Variants in NEU3 observed in about 807,000 individuals in gnomAD.
NEU3 encodes sialidase-3.
In NEU3, 10 loss-of-function variants were observed where a neutral mutation model predicts 11.4. The observed-to-expected ratio is 0.88, with a 90% CI of 0.54 to 1.49. NEU3 has a LOEUF of 1.49. Among genes scored for constraint, NEU3 ranks in the 40% most tolerant of loss-of-function variants. NEU3 has a pLI of 0.00. For synonymous variants in NEU3, 212 were observed against 228.2 expected, an observed-to-expected ratio of 0.93 and a Z score of 0.64; for missense variants, 529 against 581.8, an observed-to-expected ratio of 0.91 and a Z score of 0.93.
intron 2 of NEU3, among the ~76,000 whole-genome samples, chr11:74,999,055 T>C (rs1948818802): frequency 6.6e-6 from 1 of 152,176 alleles, no homozygotes; most frequent in South Asian, 2.1e-4. Flanking sequence ...CTCAAGCAAT[T>C]TTCCTATCTC....
At position 75,006,696 on chromosome 11, in the gene NEU3, T is replaced by G; in HGVS notation, c.*204T>G. Reference sequence around the variant, plus strand: ...TGAACTAGGAGTTGGAAGACAAGGATGTGGTCCTGGCTCTGCCACTGGCTT... The same window carrying G: ...TGAACTAGGAGTTGGAAGACAAGGAGGTGGTCCTGGCTCTGCCACTGGCTT... On this transcript the variant is annotated 3_prime_UTR_variant, in exon 3 of 3. Transcript: ENST00000294064. 1.7e-6 allele frequency: 1 copy of G among 587,052 alleles called. No homozygotes were observed. Among genetic ancestry groups the G allele is most frequent in the South Asian group, 2.3e-5 (1 of 43,996 alleles). The allele number at this position is 587,052 out of a possible 1,614,324, so 36.4% of individuals were successfully genotyped here. A position where few individuals can be genotyped will look rare whatever the true frequency, so the allele number is the denominator to read the frequency against.
intron 2 of NEU3, among the ~76,000 whole-genome samples, chr11:74,996,635 G>A (rs1235277501): frequency 1.3e-5 from 2 of 152,184 alleles, no homozygotes; most frequent in Non-Finnish European, 2.9e-5. Context: ...AATCATGAAT[G>A]TTCTGAATGG....
At chr11:75,002,713 T>A (rs1182105416) in intron 2 of NEU3, among the ~76,000 whole-genome samples, 1 of 152,222 alleles carries the variant, frequency 6.6e-6, no homozygotes, top group Non-Finnish European at 1.5e-5. Context: ...AGAAATAGAA[T>A]GTCGTCAGCA....
chr11:74,999,171 C>T (rs1565495329), intron 2 of NEU3, among the ~76,000 whole-genome samples: 2 of 152,074 alleles, frequency 1.3e-5, no homozygotes, highest in Non-Finnish European at 1.5e-5. Context: ...GCCCTCTCTG[C>T]ATTGCCCAGG....
downstream of NEU3, among the ~76,000 whole-genome samples, chr11:75,019,643 A>G (rs995674287): frequency 7.2e-5 from 11 of 152,244 alleles, no homozygotes; most frequent in African/African-American, 2.7e-4. Flanking sequence ...TGAGCCTCCC[A>G]GTGCACAGAA....
At position 75,004,169 on chromosome 11, in the gene NEU3, G is replaced by A. The variant is rs553328530; in HGVS notation, c.307-1244G>A. ...GTCCTACATACAGGTTGAACCATTT[G>A]CACTTCAATCCATATATGAAAGTCC... is the stretch of plus-strand genomic sequence containing the variant. On this transcript the variant is annotated intron_variant, in intron 2 of 2. Coordinates refer to ENST00000294064, the MANE Select transcript of NEU3 (RefSeq NM_006656.6). 844 of 498,836 alleles carry A rather than the reference G, an allele frequency of 1.7e-3. 13 individuals are homozygous for A. The South Asian group carries it at 0.019, about 11-fold the overall frequency. The allele number at this position is 498,836 out of a possible 1,614,324, so 30.9% of individuals were successfully genotyped here.
At chr11:74,992,687 C>T (rs1412713252) in intron 1 of NEU3, among the ~76,000 whole-genome samples, 1 of 152,112 alleles carries the variant, frequency 6.6e-6, no homozygotes, top group East Asian at 1.9e-4. Context: ...CGGCCGGGCA[C>T]GGTGGCTCAT....
At chr11:74,988,732 C>T (rs1948694104), upstream of NEU3, 2 of 387,774 alleles carry the variant, frequency 5.2e-6, no homozygotes, top group Non-Finnish European at 9.4e-6. Context: ...TGAGGTGGGC[C>T]CAGGGCTTGA....
chr11:74,989,346 C>T (rs539205105), intron 1 of NEU3, among the ~76,000 whole-genome samples, 192 bp downstream of exon 1: 103 of 152,342 alleles, frequency 6.8e-4, no homozygotes, highest in Non-Finnish European at 1.0e-3. Flanking sequence ...AGAAGCCGAA[C>T]TTAAACCTCA....
chr11:74,994,440 G>A, intron 1 of NEU3, 69 bp from the exon 2 acceptor site: 1 of 1,282,938 alleles, frequency 7.8e-7, no homozygotes, highest in Non-Finnish European at 1.1e-6. Flanking sequence ...GTGAAATGAT[G>A]AAGCAGAATT....
chr11:75,007,439 G>A lies in NEU3; in HGVS notation c.*947G>A, dbSNP rs553419057. Reference sequence around the variant, plus strand: ...TTGTAGATGTTGGGCTATATGTTGGGGTGATGGTAGCTCCTGATGTAATTT... The same window carrying A: ...TTGTAGATGTTGGGCTATATGTTGGAGTGATGGTAGCTCCTGATGTAATTT... On this transcript the variant is annotated 3_prime_UTR_variant, in exon 3 of 3. Coordinates refer to ENST00000294064, the MANE Select transcript of NEU3 (RefSeq NM_006656.6). 6.6e-6 allele frequency: 1 copy of A among 152,328 alleles called. No individual in the cohort carries two copies. The highest frequency in any genetic ancestry group is 1.9e-4 in the East Asian group (1 of 5,188). The allele number at this position is 152,328 out of a possible 1,614,324, so 9.4% of individuals were successfully genotyped here.
chr11:74,994,438 A>C (rs575611688), intron 1 of NEU3, 71 bp from the exon 2 acceptor site: 2 of 1,266,404 alleles, frequency 1.6e-6, no homozygotes, highest in South Asian at 3.2e-5. Flanking sequence ...AAGTGAAATG[A>C]TGAAGCAGAA....
At chr11:74,995,447 G>C (rs1430172933) in intron 2 of NEU3, among the ~76,000 whole-genome samples, 1 of 152,128 alleles carries the variant, frequency 6.6e-6, no homozygotes, top group Non-Finnish European at 1.5e-5. Flanking sequence ...CTGCTCTTTG[G>C]CCTGGAAGCT....
chr11:74,990,169 T>C (rs759934910), intron 1 of NEU3: 199 of 616,296 alleles, frequency 3.2e-4, no homozygotes, highest in Admixed American at 1.0e-3. Flanking sequence ...TAAAACACTT[T>C]TGAGTGGTTC....
chr11:74,989,085 C>T lies in NEU3; in HGVS notation c.25C>T (p.Arg9Cys). 6.4e-7 allele frequency: 1 copy of T among 1,550,874 alleles called. No individual in the cohort carries two copies. Among genetic ancestry groups the T allele is most frequent in the Non-Finnish European group, 8.7e-7 (1 of 1,146,916 alleles). The change falls in exon 1 of 3, where the codon CGC becomes TGC. Residue 9 changes from arginine to cysteine, a missense_variant. Arg to Cys is a radical substitution (Grantham distance 180). Coordinates refer to ENST00000294064, the MANE Select transcript of NEU3 (RefSeq NM_006656.6). MRPADLPP[R>C]PMEESPASSS... ...AATGAGACCTGCGGACCTGCCCCCGCGCCCCATGGAAGAATCCCCGGCGTC... is the reference window on the plus strand; with the variant it reads ...AATGAGACCTGCGGACCTGCCCCCGTGCCCCATGGAAGAATCCCCGGCGTC...
Position 74,989,174 on chromosome 11 carries a change from A to G in NEU3, c.94+20A>G. 6.5e-7 allele frequency: 1 copy of G among 1,539,782 alleles called. No homozygotes were observed. Among genetic ancestry groups the G allele is most frequent in the Non-Finnish European group, 8.8e-7 (1 of 1,136,728 alleles). On this transcript the variant is annotated intron_variant, in intron 1 of 2. Transcript: ENST00000294064. ...GTGCAGGTGAGCGGGGTTGGGAGAC[A>G]GGAGAGCTCCCCGAGGAGGACTCAA...
downstream of NEU3, among the ~76,000 whole-genome samples, chr11:75,013,050 G>C (rs1948965497): frequency 1.3e-5 from 2 of 152,206 alleles, no homozygotes; most frequent in Non-Finnish European, 2.9e-5. Context: ...TTGATAAACA[G>C]TATTACCTAA....
chr11:75,000,724 C>G (rs1407634242), intron 2 of NEU3, among the ~76,000 whole-genome samples: 2 of 151,264 alleles, frequency 1.3e-5, no homozygotes, highest in Admixed American at 6.6e-5. Flanking sequence ...CTCAAGCAAT[C>G]CTCTGCCTCC....
At chr11:75,017,301 C>T (rs1434462875) in intron 3 of NEU3, among the ~76,000 whole-genome samples, 3 of 152,112 alleles carry the variant, frequency 2.0e-5, no homozygotes, top group Admixed American at 6.6e-5. Context: ...GATGGGGTGG[C>T]AGACACACTT....
Sources: allele counts gnomAD v4.1 joint callset (sites outside exome capture counted in the v4.1 genomes callset), GRCh38; gene constraint gnomAD v4.1.1; transcripts MANE v1.5; gene names NCBI Gene and HGNC (gene_info 2026-07-23, HGNC 2026-07-21).